Variants in BRF1 observed in about 807,000 individuals in gnomAD.
BRF1 encodes transcription factor IIIB 90 kDa subunit.
Under a neutral mutation model 81.7 loss-of-function variants are expected in BRF1, and 59 were observed. The observed-to-expected ratio is 0.72, with a 90% CI of 0.59 to 0.90. BRF1 has a LOEUF of 0.90. Ranked by LOEUF, BRF1 falls within the 40% of genes least tolerant of loss-of-function variation. BRF1 has a pLI of 0.00. For synonymous variants in BRF1, 491 were observed against 395.6 expected, an observed-to-expected ratio of 1.24 and a Z score of -2.86; for missense variants, 1,050 against 936.3, an observed-to-expected ratio of 1.12 and a Z score of -1.58.
chr14:105,288,312 C>T (rs587703545), intron 1 of BRF1, among the ~76,000 whole-genome samples: 52 of 151,866 alleles, frequency 3.4e-4, no homozygotes, highest in African/African-American at 1.2e-3. Context: ...ATTAGCCAGG[C>T]GTGGTGGCGG....
intron 5 of BRF1, chr14:105,251,060 T>C (rs1032152376): frequency 6.7e-5 from 15 of 225,494 alleles, no homozygotes; most frequent in Admixed American, 1.0e-4. Flanking sequence ...CTTAAAATAG[T>C]GGACTTCTGT....
chr14:105,268,298 C>T (rs1039615670), intron 3 of BRF1, among the ~76,000 whole-genome samples: 22 of 152,274 alleles, frequency 1.4e-4, no homozygotes, highest in Non-Finnish European at 2.9e-4. Flanking sequence ...AGTCTCTGCC[C>T]GGCATGTCCA....
chr14:105,214,525 C>CGTGGCCCACCCCTGT (rs1890742354), intron 15 of BRF1, among the ~76,000 whole-genome samples: 1 of 58,388 alleles, frequency 1.7e-5, no homozygotes, highest in South Asian at 3.8e-4. Flanking sequence ...CACACCCCTG[C>CGTGGCCCACCCCTGT]GTGGCTCAGC....
chr14:105,218,853 C>G, intron 14 of BRF1, 145 bp downstream of exon 14: 1 of 1,179,444 alleles, frequency 8.5e-7, no homozygotes, highest in Non-Finnish European at 1.2e-6. Context: ...GGACGTGGGT[C>G]TGGGGTCCAG....
chr14:105,314,191 G>C (rs1391908624), intron 1 of BRF1, among the ~76,000 whole-genome samples: 1 of 152,076 alleles, frequency 6.6e-6, no homozygotes, highest in Non-Finnish European at 1.5e-5. Context: ...GGGGGCGCGA[G>C]GGAGGGGCTC....
intron 3 of BRF1, among the ~76,000 whole-genome samples, chr14:105,263,993 T>G (rs1457987039): frequency 1.3e-5 from 2 of 151,630 alleles, no homozygotes; most frequent in Admixed American, 6.6e-5. Flanking sequence ...TGTAATATTT[T>G]AGACCTAATA....
intron 2 of BRF1, among the ~76,000 whole-genome samples, chr14:105,282,031 C>T (rs2057127347): frequency 6.6e-6 from 1 of 152,118 alleles, no homozygotes; most frequent in Admixed American, 6.5e-5. Flanking sequence ...ATTTCAGAAC[C>T]GTCGCTTCAG....
intron 1 of BRF1, among the ~76,000 whole-genome samples, chr14:105,313,120 A>G (rs1050924248): frequency 1.3e-5 from 2 of 151,952 alleles, no homozygotes; most frequent in African/African-American, 4.8e-5. Context: ...GCATCTCCTC[A>G]CTTGACCCCC....
Position 105,210,403 on chromosome 14 carries a change from A to T in BRF1, c.*148T>A. The T allele has an allele frequency of 1.3e-6, 1 of 788,324 alleles. No individual in the cohort carries two copies. The highest frequency in any genetic ancestry group is 2.0e-6 in the Non-Finnish European group (1 of 495,076). The allele number at this position is 788,324 out of a possible 1,614,324, so 48.8% of individuals were successfully genotyped here. A position where few individuals can be genotyped will look rare whatever the true frequency, so the allele number is the denominator to read the frequency against. ...AAACACAATCCCAATGGTAAGTTCCACATGGGACGAGGGCTGTGGGACAGG... is the reference window on the plus strand; with the variant it reads ...AAACACAATCCCAATGGTAAGTTCCTCATGGGACGAGGGCTGTGGGACAGG... On this transcript the variant is annotated 3_prime_UTR_variant, in exon 18 of 18. Coordinates refer to ENST00000547530, the MANE Select transcript of BRF1 (RefSeq NM_001519.4). This position sits in a 1 kb window ranked among gnomAD's most constrained non-coding sequence, Gnocchi z 4.7.
At chr14:105,265,506 C>T (rs1033138285) in intron 3 of BRF1, among the ~76,000 whole-genome samples, 3 of 151,990 alleles carry the variant, frequency 2.0e-5, no homozygotes, top group African/African-American at 4.8e-5. Context: ...AATCCCAGCA[C>T]TTTGGGAGGC....
At chr14:105,287,053 C>T (rs2057340535) in intron 1 of BRF1, among the ~76,000 whole-genome samples, 1 of 152,252 alleles carries the variant, frequency 6.6e-6, no homozygotes, top group Admixed American at 6.5e-5. Flanking sequence ...ACCAGCCAGT[C>T]TGCAGAAGGC....
At chr14:105,304,765 A>C (rs2058134664), upstream of BRF1, among the ~76,000 whole-genome samples, 1 of 152,242 alleles carries the variant, frequency 6.6e-6, no homozygotes, top group South Asian at 2.1e-4. Flanking sequence ...AGGAGGAGCA[A>C]GTCACGTCTT....
At chr14:105,226,963 A>G (rs74326392) in intron 7 of BRF1, 1 of 635,766 alleles carries the variant, frequency 1.6e-6, no homozygotes, top group Non-Finnish European at 2.5e-6. Flanking sequence ...AAAAAAAAAA[A>G]ATTAGCCACG....
At chr14:105,227,630 G>A (rs1246955398) in intron 7 of BRF1, 1 of 152,328 alleles carries the variant, frequency 6.6e-6, no homozygotes, top group African/African-American at 2.4e-5. Flanking sequence ...CCCAATCCTA[G>A]GCGGAAGACT....
rs752212809 is a variant in BRF1 at position 105,226,138 on chromosome 14, C to T, written c.979G>A (p.Ala327Thr). The T allele has an allele frequency of 6.2e-7, 1 of 1,614,008 alleles. No individual in the cohort carries two copies. The highest frequency in any genetic ancestry group is 8.5e-7 in the Non-Finnish European group (1 of 1,180,036). Residue 327 changes from alanine to threonine, a missense_variant, in exon 10 of 18, where the codon GCA (alanine) becomes ACA (threonine). This residue lies in a region of BRF1 where 1,043 missense variants were observed against 915.4 expected (regional missense o/e 1.14). Transcript: ENST00000547530. ...CTGTTTTCTAGTTCAATCTCAATTG[C>T]ATCCTGGTAACTGGATATTTCACCT... Reference protein sequence around the residue: ...VEGEISSYQDAIEIELENSRP... With the variant: ...VEGEISSYQDTIEIELENSRP...
chr14:105,222,487 A>G (rs1892435756), intron 10 of BRF1: 1 of 152,362 alleles, frequency 6.6e-6, no homozygotes, highest in Non-Finnish European at 1.5e-5. Flanking sequence ...GGAAATGCAA[A>G]TGAAACCACC....
chr14:105,229,160 C>T lies in BRF1; in HGVS notation c.695-247G>A, dbSNP rs146162388. ...CAAGGAAAATTAAAATGAAGGCTTC[C>T]GAGAGCTTCACGTAATCCCTCAAAG... is the stretch of plus-strand genomic sequence containing the variant. On this transcript the variant is annotated intron_variant, in intron 6 of 17. Coordinates refer to ENST00000547530, the MANE Select transcript of BRF1 (RefSeq NM_001519.4). 4.0e-3 allele frequency among the ~76,000 whole-genome samples: 605 copies of T among 152,312 alleles called. 4 individuals carry two copies. Among genetic ancestry groups the T allele is most frequent in the African/African-American group, 5.3e-3 (222 of 41,574 alleles).
rs1829475383 is a variant in BRF1, at chr14:105,300,676, G to A, written c.-47C>T. 9.5e-6 allele frequency: 12 copies of A among 1,267,444 alleles called. No individual in the cohort carries two copies. The highest frequency in any genetic ancestry group is 1.6e-5 in the African/African-American group (1 of 63,856). 78.5% of individuals were successfully genotyped at this position (1,267,444 alleles called of 1,614,324 possible). The stretch of plus-strand genomic sequence containing the variant: ...GCCCGGAGCCTCCCAAGACTCTCAA[G>A]CCACCCGAGCCTCCGGAGCAGCCCG... On this transcript the variant is annotated 5_prime_UTR_variant, in exon 1 of 18. Coordinates refer to ENST00000547530, the MANE Select transcript of BRF1 (RefSeq NM_001519.4).
chr14:105,294,474 G>A (rs2140526409), intron 1 of BRF1, among the ~76,000 whole-genome samples: 1 of 152,362 alleles, frequency 6.6e-6, no homozygotes, highest in East Asian at 1.9e-4. Context: ...GGGAAACCCT[G>A]CGTCTGCTGC....
Sources: gnomAD v4.1 joint callset for allele counts (sites outside exome capture counted in the v4.1 genomes callset) on GRCh38, gnomAD v4.1.1 for gene constraint, gnomAD v4.1.1 regional missense constraint, Gnocchi (gnomAD v3.1) non-coding constraint, MANE v1.5 for transcripts, NCBI Gene and HGNC (gene_info 2026-07-23, HGNC 2026-07-21) for gene names.